CACNA1E: variants seen among roughly 807,000 people sequenced by gnomAD.
CACNA1E encodes voltage-dependent R-type calcium channel subunit alpha-1E.
In CACNA1E, 40 loss-of-function variants were observed where a neutral mutation model predicts 259.2. The ratio of observed to expected loss-of-function variants is 0.15; its 90% CI spans 0.12 to 0.20. The LOEUF (loss-of-function observed/expected upper bound fraction) is 0.20. Ranked by LOEUF, CACNA1E falls within the 10% of genes least tolerant of loss-of-function variation. The pLI, the probability that CACNA1E is intolerant of heterozygous loss-of-function variation, is 1.00. For synonymous variants in CACNA1E, 1,104 were observed against 1,138.5 expected (o/e 0.97, Z 0.61); for missense variants, 1,874 against 3,040.1 (o/e 0.62, Z 9.02).
chr1:181,589,103 G>C (rs75656152), intron 6 of CACNA1E, among the ~76,000 whole-genome samples: 1 of 152,140 alleles, frequency 6.6e-6, no homozygotes, highest in Non-Finnish European at 1.5e-5. Context: ...GCAGATTCCC[G>C]GGCCCTGCCC....
intron 3 of CACNA1E, among the ~76,000 whole-genome samples, chr1:181,562,140 G>T (rs1649392735): frequency 6.6e-6 from 1 of 151,916 alleles, no homozygotes; most frequent in Admixed American, 6.6e-5. Context: ...TGCTATTATA[G>T]ATAATGCTTC....
chr1:181,457,032 G>T (rs1182293028), intron 2 of CACNA1E, among the ~76,000 whole-genome samples: 2 of 152,228 alleles, frequency 1.3e-5, no homozygotes, highest in Non-Finnish European at 2.9e-5. Flanking sequence ...CTTAGTCTGT[G>T]AGCCTCTATA....
rs772756339 is a variant in CACNA1E at position 181,771,395 on chromosome 1, G to A, written c.4973+11G>A. 5.4e-6 allele frequency: 8 copies of A among 1,467,920 alleles called. 1 individual carries two copies. The East Asian group carries it at 1.6e-4, about 29-fold the overall frequency. The allele number at this position is 1,467,920 out of a possible 1,614,324, so 90.9% of individuals were successfully genotyped here. ...AATGCTACTCTTCAGGTACCTGGAT[G>A]CGTAACTGTCATAGCTGGGGTTCTC... On this transcript the variant is annotated intron_variant, in intron 36 of 47. Transcript: ENST00000367573.
At chr1:181,468,244 C>T (rs540089248) in intron 2 of CACNA1E, among the ~76,000 whole-genome samples, 9 of 152,316 alleles carry the variant, frequency 5.9e-5, no homozygotes, top group Non-Finnish European at 1.2e-4. Flanking sequence ...TGCAGGTTCA[C>T]GGTGACCACT....
rs549009106 is a variant in CACNA1E at position 181,346,473 on chromosome 1, T to C, written c.-15+28350T>C. Among the ~76,000 whole-genome samples the C allele has an allele frequency of 9.2e-5, 14 of 152,312 alleles. No individual in the cohort carries two copies. The South Asian group carries it at 2.7e-3, about 29-fold the overall frequency. ...CCAGTGGAAGGGAGAAGGCCATCAG[T>C]GGACGCAGCCTGAATTTATTTTGAG... On this transcript the variant is annotated intron_variant, in intron 1 of 11. Coordinates refer to the CACNA1E transcript ENST00000524607.
rs74633374 is a variant in CACNA1E at position 181,625,869 on chromosome 1, C to A, written c.952-25469C>A. On this transcript the variant is annotated intron_variant, in intron 6 of 47. Transcript: ENST00000367573. ...CCTTCCTCACTAAGCTTAATCATTT[C>A]TAGCTTTTGATTTAAAGTCAGAGAA... 3.1e-3 allele frequency among the ~76,000 whole-genome samples: 474 copies of A among 152,270 alleles called. 1 individual carries two copies. Among genetic ancestry groups the A allele is most frequent in the Non-Finnish European group, 4.9e-3 (336 of 68,030 alleles).
intron 7 of CACNA1E, among the ~76,000 whole-genome samples, chr1:181,693,149 A>AAAAAAAAAAAAAAAAAAAC (rs1558273258): frequency 7.8e-6 from 1 of 128,762 alleles, no homozygotes. Flanking sequence ...AAAAAAAAAA[A>AAAAAAAAAAAAAAAAAAAC]ACAACAGATG....
At chr1:181,692,067 G>A (rs568483351) in intron 7 of CACNA1E, among the ~76,000 whole-genome samples, 24 of 151,796 alleles carry the variant, frequency 1.6e-4, no homozygotes, top group African/African-American at 5.6e-4. Context: ...CCTTTACAAT[G>A]GCCACAAAAA....
At chr1:181,750,590 G>A (rs1657508045) in intron 26 of CACNA1E, 103 bp downstream of exon 26, 1 of 1,080,184 alleles carries the variant, frequency 9.3e-7, no homozygotes, top group African/African-American at 1.6e-5. Context: ...TGAGAAAAGA[G>A]TGGTCAGTTT....
chr1:181,542,256 T>A (rs1284923170), intron 3 of CACNA1E, among the ~76,000 whole-genome samples: 1 of 142,718 alleles, frequency 7.0e-6, no homozygotes, highest in African/African-American at 2.7e-5. Context: ...CACTCTCAGA[T>A]TCCCCACATT....
intron 2 of CACNA1E, among the ~76,000 whole-genome samples, chr1:181,455,572 G>A (rs1661412297): frequency 6.6e-6 from 1 of 152,168 alleles, no homozygotes; most frequent in Admixed American, 6.5e-5. Context: ...CAATTAACCA[G>A]GTCACTGTCC....
chr1:181,791,239 A>C (rs145944281), intron 44 of CACNA1E, among the ~76,000 whole-genome samples: 1 of 152,248 alleles, frequency 6.6e-6, no homozygotes, highest in South Asian at 2.1e-4. Context: ...TGGGAGGCCA[A>C]GGCGGGCAGA....
Position 181,800,406 on chromosome 1 carries a change from A to T in CACNA1E, c.*1572A>T, listed in dbSNP as rs1662186930. On this transcript the variant is annotated 3_prime_UTR_variant, in exon 48 of 48. Coordinates refer to ENST00000367573, the MANE Select transcript of CACNA1E (RefSeq NM_001205293.3). The stretch of plus-strand genomic sequence containing the variant: ...AGCCCAAACGCAGAAGCACTGAGCA[A>T]GAGAGCCCTTTCTTGCCAAGCCAGT... 6.6e-6 allele frequency: 1 copy of T among 152,670 alleles called. No individual in the cohort carries two copies. The highest frequency in any genetic ancestry group is 2.1e-4 in the South Asian group (1 of 4,832). 9.5% of individuals were successfully genotyped at this position (152,670 alleles called of 1,614,324 possible).
At chr1:181,557,942 C>T (rs147053718) in intron 3 of CACNA1E, among the ~76,000 whole-genome samples, 1 of 152,322 alleles carries the variant, frequency 6.6e-6, no homozygotes, top group East Asian at 1.9e-4. Flanking sequence ...GCTAGACTGC[C>T]TCTGCAGTGT....
intron 7 of CACNA1E, among the ~76,000 whole-genome samples, chr1:181,673,240 G>A (rs1335060018): frequency 7.1e-6 from 1 of 140,290 alleles, no homozygotes; most frequent in African/African-American, 2.5e-5. Flanking sequence ...GTGTGTGTGT[G>A]TGTATTTTTC....
chr1:181,633,067 C>T (rs569358020), intron 6 of CACNA1E, among the ~76,000 whole-genome samples: 9 of 152,166 alleles, frequency 5.9e-5, no homozygotes, highest in Middle Eastern at 3.4e-3. Flanking sequence ...GCAAGCAGAA[C>T]GTCTTTCGAA....
intron 1 of CACNA1E, among the ~76,000 whole-genome samples, chr1:181,342,640 G>C (rs1652253488): frequency 6.6e-6 from 1 of 152,142 alleles, no homozygotes; most frequent in Non-Finnish European, 1.5e-5. Flanking sequence ...ACCCAGACTA[G>C]AGCTTTTAGG....
upstream of CACNA1E, chr1:181,483,507 T>TC (rs1553258308): frequency 5.8e-6 from 2 of 344,426 alleles, no homozygotes; most frequent in African/African-American, 2.2e-5. Flanking sequence ...TTTTCTTTTT[T>TC]TTTTTTTTCC....
At chr1:181,666,824 T>C (rs1409146191) in intron 7 of CACNA1E, among the ~76,000 whole-genome samples, 2 of 152,064 alleles carry the variant, frequency 1.3e-5, no homozygotes, top group Non-Finnish European at 2.9e-5. Flanking sequence ...AAACAAATCA[T>C]TCAGTGAATT....
Sources: gnomAD v4.1 joint callset for allele counts (sites outside exome capture counted in the v4.1 genomes callset) on GRCh38, gnomAD v4.1.1 for gene constraint, MANE v1.5 for transcripts, NCBI Gene and HGNC (gene_info 2026-07-23, HGNC 2026-07-21) for gene names.